Variants in GRIN2A observed in about 807,000 individuals in gnomAD.
GRIN2A encodes glutamate receptor ionotropic, NMDA 2A.
Under a neutral mutation model 113.4 loss-of-function variants are expected in GRIN2A, and 22 were observed. The ratio of observed to expected loss-of-function variants is 0.19; its 90% confidence interval spans 0.14 to 0.28. The LOEUF is 0.28. Among genes scored for constraint, GRIN2A ranks in the 10% least tolerant of loss-of-function variants. GRIN2A has a pLI of 1.00. For missense variants in GRIN2A, 1,502 were observed against 1,887.0 expected, an observed-to-expected ratio of 0.80 and a Z score of 3.78; for synonymous variants, 827 against 738.4, an observed-to-expected ratio of 1.12 and a Z score of -1.94.
Position 9,842,374 on chromosome 16 carries a change from T to G in GRIN2A, c.1329-1270A>C, listed in dbSNP as rs376216875. On this transcript the variant is annotated intron_variant, in intron 5 of 12. Transcript: ENST00000330684. ...TCTTCTGGGCAATATGCTTGATTAATGGACATCCCATTAGCTCAACCCTGT... is the reference window on the plus strand; with the variant it reads ...TCTTCTGGGCAATATGCTTGATTAAGGGACATCCCATTAGCTCAACCCTGT... 4.6e-5 allele frequency among the ~76,000 whole-genome samples: 7 copies of G among 152,236 alleles called. No individual in the cohort carries two copies. The South Asian group carries it at 1.4e-3, about 31-fold the overall frequency.
intron 2 of GRIN2A, among the ~76,000 whole-genome samples, chr16:10,098,870 T>C (rs915884763): frequency 6.6e-6 from 1 of 151,768 alleles, no homozygotes; most frequent in Non-Finnish European, 1.5e-5. Flanking sequence ...GGGTGATGGG[T>C]GCACCAAAAT....
At chr16:10,088,928 A>G (rs1365949177) in intron 2 of GRIN2A, among the ~76,000 whole-genome samples, 3 of 152,182 alleles carry the variant, frequency 2.0e-5, no homozygotes, top group Non-Finnish European at 4.4e-5. Context: ...CATTTGTTTA[A>G]CAAATAATTA....
At chr16:10,025,144 G>A (rs529907366) in intron 2 of GRIN2A, among the ~76,000 whole-genome samples, 51 of 152,052 alleles carry the variant, frequency 3.4e-4, no homozygotes, top group African/African-American at 1.1e-3. Context: ...TGAAAGAGGT[G>A]GCAGAGAGAT....
At chr16:9,998,740 C>G (rs553087259) in intron 2 of GRIN2A, among the ~76,000 whole-genome samples, 9 of 152,234 alleles carry the variant, frequency 5.9e-5, no homozygotes, top group African/African-American at 2.2e-4. Flanking sequence ...CTCTCTCTCT[C>G]TCCTTCTCCC....
chr16:10,130,084 AAAGT>A (rs1314609761), intron 2 of GRIN2A, among the ~76,000 whole-genome samples: 3 of 152,210 alleles, frequency 2.0e-5, no homozygotes, highest in African/African-American at 4.8e-5. Flanking sequence ...CTAAGACAAG[AAAGT>A]AAGAAGGAGA....
rs1008887716 is a variant in GRIN2A at position 9,862,912 on chromosome 16, A to G, written c.1123-12951T>C. Among the ~76,000 whole-genome samples, 3 of 152,192 alleles carry G rather than the reference A, an allele frequency of 2.0e-5. No homozygotes were observed. The South Asian group carries it at 6.2e-4, about 32-fold the overall frequency. ...TGGGCTGCAATAATAATTATTAAAC[A>G]ATTAACGAGTATAATTGTTGGCATT... On this transcript the variant is annotated intron_variant, in intron 4 of 12. Transcript: ENST00000330684.
At chr16:10,056,482 C>A (rs2047458615) in intron 2 of GRIN2A, among the ~76,000 whole-genome samples, 1 of 152,174 alleles carries the variant, frequency 6.6e-6, no homozygotes, top group South Asian at 2.1e-4. Flanking sequence ...TCTCTTCAAC[C>A]CTCTAACCAC....
At chr16:9,799,754 T>C (rs1034335206) in intron 10 of GRIN2A, among the ~76,000 whole-genome samples, 4 of 152,210 alleles carry the variant, frequency 2.6e-5, no homozygotes, top group African/African-American at 4.8e-5. Flanking sequence ...TGAATACACA[T>C]AGCACTTTTA....
chr16:9,837,818 G>C (rs1001468523), intron 7 of GRIN2A, among the ~76,000 whole-genome samples: 1 of 152,198 alleles, frequency 6.6e-6, no homozygotes, highest in African/African-American at 2.4e-5. Context: ...ATCCATGTCA[G>C]ACGGAGGGAC....
At chr16:10,145,177 G>T (rs542991253) in intron 2 of GRIN2A, among the ~76,000 whole-genome samples, 52 of 152,160 alleles carry the variant, frequency 3.4e-4, no homozygotes, top group African/African-American at 1.2e-3. Flanking sequence ...AGGGTTGGGG[G>T]CATAGGGAAA....
At chr16:9,925,685 G>T (rs919555490) in intron 3 of GRIN2A, among the ~76,000 whole-genome samples, 1 of 151,966 alleles carries the variant, frequency 6.6e-6, no homozygotes, top group Non-Finnish European at 1.5e-5. Context: ...CAATATTCAG[G>T]GTCTTAAAAA....
intron 2 of GRIN2A, among the ~76,000 whole-genome samples, chr16:9,980,804 C>T (rs1276035850): frequency 8.0e-6 from 1 of 125,332 alleles, no homozygotes; most frequent in Non-Finnish European, 1.6e-5. Context: ...CACATGGACA[C>T]AGGAAGGGGA....
At chr16:10,108,479 T>C (rs934202453) in intron 2 of GRIN2A, among the ~76,000 whole-genome samples, 3 of 152,100 alleles carry the variant, frequency 2.0e-5, no homozygotes, top group African/African-American at 7.2e-5. Flanking sequence ...AGAGAAGTAA[T>C]TGCCTCAAGA....
intron 2 of GRIN2A, among the ~76,000 whole-genome samples, chr16:10,060,708 A>G (rs1312302782): frequency 6.6e-6 from 1 of 152,192 alleles, no homozygotes; most frequent in Admixed American, 6.5e-5. Context: ...GAGGAAATTG[A>G]GACTCAGAAA....
At chr16:10,108,247 A>C (rs1463896651) in intron 2 of GRIN2A, among the ~76,000 whole-genome samples, 1 of 152,246 alleles carries the variant, frequency 6.6e-6, no homozygotes, top group Non-Finnish European at 1.5e-5. Flanking sequence ...CATGGATGGC[A>C]GCAGGCAAAG....
At chr16:9,890,927 C>G (rs572085042) in intron 4 of GRIN2A, 59 bp downstream of exon 4, 2 of 1,013,310 alleles carry the variant, frequency 2.0e-6, no homozygotes, top group Non-Finnish European at 3.2e-6. Flanking sequence ...CACTGTGAGC[C>G]CCTTTATTGC....
At chr16:10,005,111 T>G (rs1245216451) in intron 2 of GRIN2A, among the ~76,000 whole-genome samples, 2 of 152,222 alleles carry the variant, frequency 1.3e-5, no homozygotes. Flanking sequence ...GGTAAGTATG[T>G]AGGTTACAAG....
intron 2 of GRIN2A, among the ~76,000 whole-genome samples, chr16:10,003,363 G>T (rs937340722): frequency 2.6e-5 from 4 of 152,200 alleles, no homozygotes; most frequent in Non-Finnish European, 5.9e-5. Context: ...TATCTATTAT[G>T]CAGGAAAAGG....
chr16:10,085,496 G>A (rs1358763795), intron 2 of GRIN2A, among the ~76,000 whole-genome samples: 1 of 152,188 alleles, frequency 6.6e-6, no homozygotes, highest in African/African-American at 2.4e-5. Flanking sequence ...TAGAGGACAT[G>A]AAGGCACTCA....
Sources: gnomAD v4.1 joint callset for allele counts (sites outside exome capture counted in the v4.1 genomes callset) on GRCh38, gnomAD v4.1.1 for gene constraint, MANE v1.5 for transcripts, NCBI Gene and HGNC (gene_info 2026-07-23, HGNC 2026-07-21) for gene names.